TGS1: variants seen among roughly 807,000 people sequenced by gnomAD.
TGS1 encodes the protein trimethylguanosine synthase 1.
TGS1 carries 69 observed loss-of-function variants against 92.2 expected under a neutral mutation model. The observed-to-expected ratio is 0.75, with a 90% confidence interval of 0.62 to 0.91. The LOEUF is 0.91. Ranked by LOEUF, TGS1 falls within the 40% of genes least tolerant of loss-of-function variation. The pLI is 0.00. For missense variants in TGS1, 1,062 were observed against 1,001.2 expected, an observed-to-expected ratio of 1.06 and a Z score of -0.82; for synonymous variants, 345 against 338.1, an observed-to-expected ratio of 1.02 and a Z score of -0.22.
chr8:55,798,326 T>C (rs1468297733), intron 7 of TGS1, among the ~76,000 whole-genome samples: 2 of 152,230 alleles, frequency 1.3e-5, no homozygotes, highest in South Asian at 2.1e-4. Flanking sequence ...TGCTGAGCCT[T>C]GTTTACATTC....
intron 10 of TGS1, among the ~76,000 whole-genome samples, chr8:55,805,324 CAAA>C (rs530960573): frequency 2.8e-4 from 42 of 150,792 alleles, no homozygotes; most frequent in Non-Finnish European, 4.3e-4. Flanking sequence ...AGATTTGTGA[CAAA>C]AAAAAGAAAC....
At chr8:55,806,027 C>G (rs1391032804) in intron 10 of TGS1, among the ~76,000 whole-genome samples, 1 of 151,518 alleles carries the variant, frequency 6.6e-6, no homozygotes, top group Admixed American at 6.6e-5. Context: ...CCACTGTGCT[C>G]TAGCTCGGGC....
chr8:55,789,116 G>T (rs1460930115), intron 4 of TGS1, among the ~76,000 whole-genome samples: 1 of 152,098 alleles, frequency 6.6e-6, no homozygotes, highest in African/African-American at 2.4e-5. Context: ...TAAGGTATAG[G>T]TTATGCTTCT....
chr8:55,778,635 G>A (rs777313568), intron 1 of TGS1, among the ~76,000 whole-genome samples: 3 of 152,164 alleles, frequency 2.0e-5, no homozygotes, highest in Non-Finnish European at 4.4e-5. Flanking sequence ...ATTTAAAAGA[G>A]TAGTGACCTT....
chr8:55,819,232 G>C (rs375284450), intron 12 of TGS1, among the ~76,000 whole-genome samples: 2 of 151,428 alleles, frequency 1.3e-5, no homozygotes, highest in African/African-American at 4.9e-5. Flanking sequence ...CACCGTGCCC[G>C]GCCTGGTAGC....
chr8:55,802,756 C>G (rs1812254851), intron 9 of TGS1, 150 bp downstream of exon 9: 5 of 678,610 alleles, frequency 7.4e-6, no homozygotes, highest in East Asian at 2.8e-5. Flanking sequence ...CTCATTCTCT[C>G]TCCATATGTA....
intron 1 of TGS1, among the ~76,000 whole-genome samples, chr8:55,774,059 A>T (rs780210379): frequency 2.0e-4 from 30 of 152,260 alleles, no homozygotes; most frequent in Non-Finnish European, 3.7e-4. Flanking sequence ...ATAAAGTGAA[A>T]GTTTAAAGTT....
chr8:55,795,039 T>C (rs1812000403), intron 6 of TGS1, among the ~76,000 whole-genome samples: 2 of 152,352 alleles, frequency 1.3e-5, no homozygotes, highest in South Asian at 2.1e-4. Context: ...TTCAAGGCAA[T>C]TATAGTTAAT....
In TGS1 at chr8:55,796,003, C is replaced by A; in HGVS notation, c.1393C>A (p.His465Asn). The change falls in exon 7 of 13, where the codon CAT (histidine) becomes AAT (asparagine). Residue 465 changes from histidine (H) to asparagine (N), a missense_variant. His to Asn is a moderately conservative substitution (Grantham distance 68). Coordinates refer to ENST00000260129, the MANE Select transcript of TGS1 (RefSeq NM_024831.8). ...QKYGGIPNFS[H>N]RQVRYLEKNV... ...ATATGGTGGAATCCCAAATTTCAGT[C>A]ATCGGCAGGTCAGGTATTTAGAGAA... 1 of 1,613,346 alleles carries A rather than the reference C, an allele frequency of 6.2e-7. No homozygotes were observed. The highest frequency in any genetic ancestry group is 1.1e-5 in the South Asian group (1 of 90,874).
chr8:55,824,670 T>C lies in TGS1; in HGVS notation c.2529T>C (p.Gly843=), dbSNP rs755269836. The C allele has an allele frequency of 6.2e-7, 1 of 1,614,226 alleles. No homozygotes were observed. The highest frequency in any genetic ancestry group is 8.5e-7 in the Non-Finnish European group (1 of 1,180,034). ...TGAAGACAATCACTGCATATTTTGG[T>C]GACCTAATTCGAAGACCAGCCTCTG... ...NKLKTITAYF[G]DLIRRPASET The change falls in exon 13 of 13, where the codon GGT becomes GGC. Residue 843 remains glycine (G), a synonymous_variant. Coordinates refer to ENST00000260129, the MANE Select transcript of TGS1 (RefSeq NM_024831.8).
At chr8:55,816,959 G>C (rs1471011406) in intron 12 of TGS1, among the ~76,000 whole-genome samples, 1 of 151,916 alleles carries the variant, frequency 6.6e-6, no homozygotes, top group African/African-American at 2.4e-5. Flanking sequence ...CTGCCTCCCG[G>C]GTTCAAGCGA....
At chr8:55,788,541 C>T (rs556013009) in intron 4 of TGS1, among the ~76,000 whole-genome samples, 26 of 150,076 alleles carry the variant, frequency 1.7e-4, no homozygotes, top group Admixed American at 2.7e-4. Flanking sequence ...CTGCAAGGTC[C>T]GCCTCCGGGG....
intron 12 of TGS1, among the ~76,000 whole-genome samples, chr8:55,821,158 A>T (rs1235469668): frequency 6.6e-6 from 1 of 152,238 alleles, no homozygotes; most frequent in Admixed American, 6.5e-5. Flanking sequence ...TTAAAAAAAA[A>T]TTGTTTCTAA....
Position 55,790,283 on chromosome 8 carries a change from A to G in TGS1, c.1264A>G (p.Ser422Gly), listed in dbSNP as rs1008845542. ...SEEDPPEHKP[S>G]KLKRSHELDI... ...GGAAGACCCACCTGAGCATAAGCCA[A>G]GCAAACTGAAGAGGAGGTAAGTTAC... The change falls in exon 5 of 13, where the codon AGC becomes GGC. Residue 422 changes from serine (S) to glycine (G), a missense_variant. Transcript: ENST00000260129. 6.2e-7 allele frequency: 1 copy of G among 1,613,396 alleles called. No homozygotes were observed. Among genetic ancestry groups the G allele is most frequent in the East Asian group, 2.2e-5 (1 of 44,878 alleles).
At chr8:55,803,217 A>G (rs1366216414) in intron 9 of TGS1, among the ~76,000 whole-genome samples, 1 of 152,120 alleles carries the variant, frequency 6.6e-6, no homozygotes, top group Non-Finnish European at 1.5e-5. Context: ...AGCAAAAGCA[A>G]TTGATAAATT....
chr8:55,782,906 G>C (rs188657683), intron 2 of TGS1, 94 bp downstream of exon 2: 1 of 793,066 alleles, frequency 1.3e-6, no homozygotes, highest in Non-Finnish European at 2.0e-6. Flanking sequence ...GTATTGATTT[G>C]TTAGCATAAA....
At chr8:55,802,853 T>C (rs1465203128) in intron 9 of TGS1, among the ~76,000 whole-genome samples, 1 of 152,222 alleles carries the variant, frequency 6.6e-6, no homozygotes, top group Non-Finnish European at 1.5e-5. Flanking sequence ...TAAGGACAAG[T>C]ATATTTTTGT....
chr8:55,781,365 A>C (rs1304222401), intron 1 of TGS1, among the ~76,000 whole-genome samples: 1 of 152,202 alleles, frequency 6.6e-6, no homozygotes, highest in Admixed American at 6.5e-5. Context: ...CTATTTAAAA[A>C]AAAACCAAAA....
At chr8:55,823,608 T>TC (rs1183021881) in intron 12 of TGS1, among the ~76,000 whole-genome samples, 1 of 152,144 alleles carries the variant, frequency 6.6e-6, no homozygotes, top group Admixed American at 6.5e-5. Flanking sequence ...GCTAGACTCC[T>TC]CATGAGAGTA....
Sources: allele counts gnomAD v4.1 joint callset (sites outside exome capture counted in the v4.1 genomes callset), GRCh38; gene constraint gnomAD v4.1.1; transcripts MANE v1.5; gene names NCBI Gene and HGNC (gene_info 2026-07-23, HGNC 2026-07-21).